Variants in ATP10A observed in about 807,000 individuals in gnomAD.
The protein encoded by ATP10A is phospholipid-transporting ATPase VA.
Under a neutral mutation model 147.8 loss-of-function variants are expected in ATP10A, and 111 were observed. The observed-to-expected ratio is 0.75, with a 90% confidence interval of 0.64 to 0.88. The LOEUF is 0.88. ATP10A is among the 40% of genes least tolerant of loss of function. The pLI is 0.00. For missense variants in ATP10A, 1,927 were observed against 1,959.0 expected (o/e 0.98, Z 0.31); for synonymous variants, 875 against 841.6 (o/e 1.04, Z -0.69).
intron 1 of ATP10A, among the ~76,000 whole-genome samples, chr15:25,859,335 C>G (rs1255223452): frequency 6.6e-6 from 1 of 152,188 alleles, no homozygotes; most frequent in Non-Finnish European, 1.5e-5. Context: ...AAATGAAAGC[C>G]GGAGGCCACA....
At chr15:25,820,079 C>T (rs1343155106) in intron 1 of ATP10A, among the ~76,000 whole-genome samples, 2 of 152,002 alleles carry the variant, frequency 1.3e-5, no homozygotes, top group African/African-American at 4.8e-5. Context: ...AAATTAAAAA[C>T]AGCACTAAAG....
intron 10 of ATP10A, among the ~76,000 whole-genome samples, chr15:25,713,398 T>A (rs187428243): frequency 2.6e-5 from 4 of 152,140 alleles, no homozygotes; most frequent in Non-Finnish European, 5.9e-5. Context: ...ACCTTCATTG[T>A]TCAAATTTAA....
At chr15:25,826,061 G>T (rs2140856929) in intron 1 of ATP10A, among the ~76,000 whole-genome samples, 1 of 152,266 alleles carries the variant, frequency 6.6e-6, no homozygotes, top group South Asian at 2.1e-4. Flanking sequence ...CTCAACAGCA[G>T]ATTTCTGAGC....
intron 1 of ATP10A, among the ~76,000 whole-genome samples, chr15:25,828,564 C>G (rs7181599): frequency 0.92 from 140,046 of 152,222 alleles, 65,212 homozygotes; most frequent in Non-Finnish European, 0.99. Context: ...GGAAATCACA[C>G]GGAAATTAGG....
chr15:25,688,535 C>T (rs549212883), intron 15 of ATP10A, among the ~76,000 whole-genome samples: 44 of 152,258 alleles, frequency 2.9e-4, no homozygotes, highest in African/African-American at 1.1e-3. Context: ...CAAAATGATA[C>T]CTTTTGTCCC....
chr15:25,850,264 T>C (rs1297196117), intron 1 of ATP10A, among the ~76,000 whole-genome samples: 1 of 152,124 alleles, frequency 6.6e-6, no homozygotes, highest in Non-Finnish European at 1.5e-5. Context: ...AACAGGGGCC[T>C]CCCCAGCTCG....
intron 1 of ATP10A, among the ~76,000 whole-genome samples, chr15:25,829,302 G>C (rs1008838032): frequency 2.0e-5 from 3 of 152,146 alleles, no homozygotes; most frequent in African/African-American, 7.2e-5. Flanking sequence ...ACCCAGATCA[G>C]TGACTTTCAG....
intron 13 of ATP10A, among the ~76,000 whole-genome samples, chr15:25,696,689 C>T (rs1206972370): frequency 6.6e-6 from 1 of 152,244 alleles, no homozygotes; most frequent in Admixed American, 6.5e-5. Flanking sequence ...GGAACCTGGA[C>T]GTGGGCTCCA....
At chr15:25,802,611 G>A (rs542127165) in intron 1 of ATP10A, among the ~76,000 whole-genome samples, 2 of 152,334 alleles carry the variant, frequency 1.3e-5, no homozygotes, top group Non-Finnish European at 2.9e-5. Context: ...CGGAGAGTAT[G>A]CTTCCCTGCC....
intron 17 of ATP10A, among the ~76,000 whole-genome samples, chr15:25,681,413 T>C (rs1281196808): frequency 3.9e-5 from 6 of 152,186 alleles, no homozygotes; most frequent in Admixed American, 3.9e-4. Flanking sequence ...TTAAATACAT[T>C]TGTCTTCCTT....
Position 25,679,507 on chromosome 15 carries a change from GA to G in ATP10A, c.4333del (p.Ser1445ArgfsTer47), listed in dbSNP as rs774330781. 1.2e-6 allele frequency: 2 copies of G among 1,613,738 alleles called. No homozygotes were observed. Among genetic ancestry groups the G allele is most frequent in the Admixed American group, 3.3e-5 (2 of 60,014 alleles). ...FSLLNWISSW[S>X]LVSRLGSVLQ... ...GACACTCCCCAGCCTGCTGACCAGCGACCAGGAGGAAATCCAGTTGAGTAAG... is the reference window on the plus strand; with the variant it reads ...GACACTCCCCAGCCTGCTGACCAGCGCCAGGAGGAAATCCAGTTGAGTAAG... On this transcript the variant is annotated frameshift_variant, in exon 21 of 21. Coordinates refer to ENST00000555815, the MANE Select transcript of ATP10A (RefSeq NM_024490.4). LOFTEE classifies it high-confidence loss of function.
chr15:25,776,784 T>C (rs1180505839), intron 2 of ATP10A, among the ~76,000 whole-genome samples: 1 of 152,148 alleles, frequency 6.6e-6, no homozygotes, highest in Non-Finnish European at 1.5e-5. Flanking sequence ...ACTGCGCACT[T>C]TTTCAAATGC....
intron 12 of ATP10A, 77 bp from the exon 13 acceptor site, chr15:25,702,177 C>A: frequency 7.1e-7 from 1 of 1,411,532 alleles, no homozygotes. Context: ...AAATGTCATG[C>A]ACCAGATACA....
At chr15:25,812,856 T>C (rs1206516591) in intron 1 of ATP10A, among the ~76,000 whole-genome samples, 1 of 152,222 alleles carries the variant, frequency 6.6e-6, no homozygotes, top group Admixed American at 6.5e-5. Context: ...AGAATAAAAG[T>C]GCAGTGCAGG....
In ATP10A at chr15:25,684,281, G is replaced by A. The variant is rs114619177; in HGVS notation, c.3292-795C>T. Among the ~76,000 whole-genome samples the A allele has an allele frequency of 2.9e-3, 449 of 152,314 alleles. 2 individuals carry two copies. Among genetic ancestry groups the A allele is most frequent in the African/African-American group, 0.01 (429 of 41,564 alleles). Reference sequence around the variant, plus strand: ...ATCAGCAGCCTGAGTGCATTTATACGGTGGACATGACAGTTTAGTGATTGC... The same window carrying A: ...ATCAGCAGCCTGAGTGCATTTATACAGTGGACATGACAGTTTAGTGATTGC... On this transcript the variant is annotated intron_variant, in intron 16 of 20. Coordinates refer to ENST00000555815, the MANE Select transcript of ATP10A (RefSeq NM_024490.4).
intron 1 of ATP10A, among the ~76,000 whole-genome samples, chr15:25,852,053 A>G (rs1413705932): frequency 6.6e-6 from 1 of 152,028 alleles, no homozygotes; most frequent in Non-Finnish European, 1.5e-5. Flanking sequence ...CTGGCACTGT[A>G]GCCCACCCTC....
At chr15:25,714,361 G>T (rs1596739586) in intron 9 of ATP10A, 120 bp from the exon 10 acceptor site, 3 of 844,704 alleles carry the variant, frequency 3.6e-6, no homozygotes, top group Non-Finnish European at 5.5e-6. Context: ...TTCCCCACTG[G>T]GGTCTCAGAG....
intron 2 of ATP10A, 53 bp from the exon 3 acceptor site, chr15:25,736,194 T>C (rs996702639): frequency 1.1e-5 from 16 of 1,472,244 alleles, no homozygotes; most frequent in Non-Finnish European, 1.4e-5. Flanking sequence ...GCTGCGCCGT[T>C]CTAAAAGGCA....
At chr15:25,750,585 G>C (rs532475592) in intron 2 of ATP10A, among the ~76,000 whole-genome samples, 3 of 152,030 alleles carry the variant, frequency 2.0e-5, no homozygotes, top group African/African-American at 7.2e-5. Context: ...TTAAGCTCTA[G>C]GTGATTTTAG....
Sources: gnomAD v4.1 joint callset for allele counts (sites outside exome capture counted in the v4.1 genomes callset) on GRCh38, gnomAD v4.1.1 for gene constraint, MANE v1.5 for transcripts, NCBI Gene and HGNC (gene_info 2026-07-23, HGNC 2026-07-21) for gene names.